The following ADGB variants were observed in gnomAD, a reference collection of about 807,000 sequenced individuals.
ADGB encodes the protein androglobin.
ADGB carries 172 observed loss-of-function variants against 210.5 expected under a neutral mutation model. The ratio of observed to expected loss-of-function variants is 0.82; its 90% CI spans 0.72 to 0.93. The LOEUF (loss-of-function observed/expected upper bound fraction) is 0.93. Ranked by LOEUF, ADGB falls within the 40% of genes least tolerant of loss-of-function variation. The pLI is 0.00. For missense variants in ADGB, 2,025 were observed against 1,964.8 expected (o/e 1.03, Z -0.58); for synonymous variants, 658 against 662.7 (o/e 0.99, Z 0.11).
intron 20 of ADGB, among the ~76,000 whole-genome samples, chr6:146,731,898 A>G (rs1013453545): frequency 2.0e-5 from 3 of 152,156 alleles, no homozygotes; most frequent in African/African-American, 4.8e-5. Context: ...CAAATGGGTC[A>G]TGTCAGATGA....
chr6:146,803,854 G>A (rs1051824159), intron 35 of ADGB: 4 of 303,454 alleles, frequency 1.3e-5, no homozygotes, highest in African/African-American at 8.8e-5. Flanking sequence ...CGCGCGCGCG[G>A]CCTGCCGGGA....
chr6:146,811,594 T>G (rs530220796), intron 35 of ADGB, among the ~76,000 whole-genome samples: 1 of 152,290 alleles, frequency 6.6e-6, no homozygotes, highest in Non-Finnish European at 1.5e-5. Flanking sequence ...GATCAATTAC[T>G]TTCAGATATT....
intron 29 of ADGB, among the ~76,000 whole-genome samples, chr6:146,779,799 C>T (rs573348769): frequency 6.0e-5 from 9 of 150,358 alleles, no homozygotes; most frequent in South Asian, 2.1e-4. Context: ...GAAAACAAAC[C>T]GAAGCAGTTT....
At chr6:146,647,508 A>C (rs1775637166) in intron 3 of ADGB, among the ~76,000 whole-genome samples, 1 of 152,270 alleles carries the variant, frequency 6.6e-6, no homozygotes, top group African/African-American at 2.4e-5. Flanking sequence ...CATAATTTTT[A>C]GTAACTACAT....
Position 146,728,668 on chromosome 6 carries a change from C to T in ADGB, c.2447C>T (p.Ala816Val). 12 of 1,551,548 alleles carry T rather than the reference C, an allele frequency of 7.7e-6. No homozygotes were observed. The highest frequency in any genetic ancestry group is 9.6e-6 in the Non-Finnish European group (11 of 1,146,878). Residue 816 changes from alanine (A) to valine (V), a missense_variant, in exon 20 of 36, where the codon GCT becomes GTT. Coordinates refer to ENST00000397944, the MANE Select transcript of ADGB (RefSeq NM_024694.4). ...AAAGATAAGGGTAAACTCTCTGCAG[C>T]TTTGAAGGATCTGCAAACAGCTCAC... ...NFKDKGKLSA[A>V]LKDLQTAHYP...
intron 1 of ADGB, among the ~76,000 whole-genome samples, chr6:146,621,428 G>T (rs563703262): frequency 3.9e-5 from 6 of 152,152 alleles, no homozygotes; most frequent in Admixed American, 2.0e-4. Flanking sequence ...AAGGAGTCAG[G>T]GTGGGCTTCC....
intron 1 of ADGB, among the ~76,000 whole-genome samples, chr6:146,613,738 C>T (rs897488535): frequency 1.3e-5 from 2 of 152,084 alleles, no homozygotes; most frequent in African/African-American, 4.8e-5. Flanking sequence ...ATTTTTACCT[C>T]TTGTGCATTC....
At chr6:146,637,326 G>C (rs995960612) in intron 2 of ADGB, among the ~76,000 whole-genome samples, 1 of 151,988 alleles carries the variant, frequency 6.6e-6, no homozygotes, top group African/African-American at 2.4e-5. Flanking sequence ...TGCTAAAGCA[G>C]TCAAAACTTG....
intron 26 of ADGB, among the ~76,000 whole-genome samples, chr6:146,751,756 G>C (rs977914281): frequency 6.6e-6 from 1 of 151,964 alleles, no homozygotes; most frequent in Non-Finnish European, 1.5e-5. Context: ...TTATGTGTTT[G>C]TTGGCCACAT....
At chr6:146,803,358 T>C in intron 35 of ADGB, 2 of 1,606,686 alleles carry the variant, frequency 1.2e-6, no homozygotes, top group Non-Finnish European at 1.7e-6. Flanking sequence ...TGTTCGACTG[T>C]CATGGTGTAA....
intron 1 of ADGB, among the ~76,000 whole-genome samples, chr6:146,604,995 C>T (rs1000757417): frequency 1.3e-5 from 2 of 151,872 alleles, no homozygotes; most frequent in East Asian, 1.9e-4. Context: ...GTTAGTGGGG[C>T]GGTTAGTGCA....
intron 1 of ADGB, among the ~76,000 whole-genome samples, chr6:146,627,896 G>A (rs1442391019): frequency 3.9e-5 from 6 of 152,170 alleles, no homozygotes; most frequent in East Asian, 3.9e-4. Flanking sequence ...TGTTGTGGTC[G>A]TTAAAGGGCT....
At chr6:146,707,078 T>G (rs765398953) in intron 13 of ADGB, among the ~76,000 whole-genome samples, 8 of 152,154 alleles carry the variant, frequency 5.3e-5, no homozygotes, top group Non-Finnish European at 1.0e-4. Context: ...CAAGATATTC[T>G]AAAAATTTCC....
intron 35 of ADGB, among the ~76,000 whole-genome samples, chr6:146,812,840 A>C (rs191527417): frequency 1.0e-3 from 153 of 152,350 alleles, no homozygotes; most frequent in African/African-American, 3.6e-3. Context: ...CAACTTGGAC[A>C]GTGAAGCTTT....
intron 12 of ADGB, among the ~76,000 whole-genome samples, chr6:146,695,260 T>C (rs1776387246): frequency 6.6e-6 from 1 of 152,166 alleles, no homozygotes; most frequent in Non-Finnish European, 1.5e-5. Context: ...TATTGTCTGC[T>C]TCCAATAGCC....
intron 4 of ADGB, among the ~76,000 whole-genome samples, chr6:146,654,420 A>ACAG (rs1180438783): frequency 7.0e-6 from 1 of 142,138 alleles, no homozygotes; most frequent in Non-Finnish European, 1.5e-5. Flanking sequence ...TGGTGTGAAC[A>ACAG]CAGCTCGGTG....
At chr6:146,777,032 A>G (rs1306084819) in intron 29 of ADGB, among the ~76,000 whole-genome samples, 1 of 151,894 alleles carries the variant, frequency 6.6e-6, no homozygotes, top group African/African-American at 2.4e-5. Flanking sequence ...CCACTCCTAT[A>G]GAGCGCTCAC....
At chr6:146,660,412 T>C (rs1331593895) in intron 5 of ADGB, among the ~76,000 whole-genome samples, 3 of 152,198 alleles carry the variant, frequency 2.0e-5, no homozygotes, top group Non-Finnish European at 4.4e-5. Flanking sequence ...AATTTTACCA[T>C]ATTTAATCAC....
intron 29 of ADGB, among the ~76,000 whole-genome samples, chr6:146,777,164 G>A (rs1318530171): frequency 6.6e-6 from 1 of 151,958 alleles, no homozygotes; most frequent in Non-Finnish European, 1.5e-5. Context: ...CTAATGGGGT[G>A]ATTTACATGA....
Sources: allele counts gnomAD v4.1 joint callset (sites outside exome capture counted in the v4.1 genomes callset), GRCh38; gene constraint gnomAD v4.1.1; transcripts MANE v1.5; gene names NCBI Gene and HGNC (gene_info 2026-07-23, HGNC 2026-07-21).